The following CMBL variants were observed in gnomAD, a reference collection of about 807,000 sequenced individuals.
The protein encoded by CMBL is carboxymethylenebutenolidase homolog (Pseudomonas).
Under a neutral mutation model 28.7 loss-of-function variants are expected in CMBL, and 17 were observed. That is an observed-to-expected ratio of 0.59 (90% confidence interval 0.41 to 0.89). The LOEUF is 0.89. Ranked by LOEUF, CMBL falls within the 40% of genes least tolerant of loss-of-function variation. The pLI is 0.00. For synonymous variants in CMBL, 106 were observed against 101.6 expected, an observed-to-expected ratio of 1.04 and a Z score of -0.26; for missense variants, 310 against 298.5, an observed-to-expected ratio of 1.04 and a Z score of -0.28.
At chr5:10,286,594 T>C in intron 3 of CMBL, 98 bp from the exon 4 acceptor site, 4 of 1,134,164 alleles carry the variant, frequency 3.5e-6, no homozygotes, top group Non-Finnish European at 3.6e-6. Context: ...GCAACTGTTT[T>C]TGAAGTTGCC....
rs575760433 is a variant in CMBL, at chr5:10,289,698, A to G, written c.215+850T>C. On this transcript the variant is annotated intron_variant, in intron 2 of 5. Transcript: ENST00000296658. This position sits in a 1 kb window ranked among gnomAD's most constrained non-coding sequence, Gnocchi z 4.3. The stretch of plus-strand genomic sequence containing the variant: ...TTACTGGGCTTGCCCCTAGAAAGTT[A>G]AGTCCCCTCACATGGGGACGTGAAA... Among the ~76,000 whole-genome samples the G allele has an allele frequency of 2.0e-5, 3 of 152,302 alleles. No individual in the cohort carries two copies. Among genetic ancestry groups the G allele is most frequent in the African/African-American group, 7.2e-5 (3 of 41,568 alleles).
At chr5:10,297,733 G>A (rs1013709496) in intron 1 of CMBL, among the ~76,000 whole-genome samples, 3 of 152,060 alleles carry the variant, frequency 2.0e-5, no homozygotes, top group Non-Finnish European at 4.4e-5. Context: ...AATGACCCCG[G>A]GAGAGAGGGA....
chr5:10,301,750 C>T (rs1230240096), intron 1 of CMBL, among the ~76,000 whole-genome samples: 3 of 151,880 alleles, frequency 2.0e-5, no homozygotes, highest in South Asian at 2.1e-4. Context: ...TACAGGTGCC[C>T]GCCACTATGC....
chr5:10,304,766 A>G (rs1746967575), intron 1 of CMBL, among the ~76,000 whole-genome samples: 2 of 152,106 alleles, frequency 1.3e-5, no homozygotes, highest in East Asian at 1.9e-4. Context: ...CAGCCTAGAC[A>G]ACATGTTTTT....
chr5:10,302,899 C>A (rs921810629), intron 1 of CMBL, among the ~76,000 whole-genome samples: 2 of 152,160 alleles, frequency 1.3e-5, no homozygotes, highest in Non-Finnish European at 2.9e-5. Context: ...GTAGAGAATC[C>A]CCTTCCCTTT....
chr5:10,299,740 A>G (rs1561066404), intron 1 of CMBL, among the ~76,000 whole-genome samples: 1 of 151,814 alleles, frequency 6.6e-6, no homozygotes, highest in Non-Finnish European at 1.5e-5. Flanking sequence ...GGTCCCAGCT[A>G]CTCAGGAGGC....
In CMBL at chr5:10,286,450, G is replaced by A. The variant is rs1746605922; in HGVS notation, c.370C>T (p.Gln124Ter). The change falls in exon 4 of 6, where the codon CAG becomes TAG. Residue 124 changes from glutamine (Q) to a stop codon, truncating the protein, a stop_gained. Transcript: ENST00000296658. LOFTEE classifies it high-confidence loss of function. ...CAGAATCCCACGATGCCAATTTTCT[G>A]GGCATGACACTGTTGTTTCAGATAC... ...LKYLKQQCHA[Q>*]KIGIVGFCWG... The A allele has an allele frequency of 6.2e-7, 1 of 1,613,850 alleles. No individual in the cohort carries two copies. Among genetic ancestry groups the A allele is most frequent in the Non-Finnish European group, 8.5e-7 (1 of 1,179,882 alleles).
chr5:10,300,608 T>G (rs1441941221), intron 1 of CMBL, among the ~76,000 whole-genome samples: 1 of 151,954 alleles, frequency 6.6e-6, no homozygotes, highest in Non-Finnish European at 1.5e-5. Context: ...GAGACCAGCA[T>G]GAGCAACATA....
chr5:10,289,556 T>A lies in CMBL; in HGVS notation c.215+992A>T, dbSNP rs1364007833. ...TTCCTAATCTGCAAAATGAGAGCAA[T>A]AACAGCTCCTCCCTCAAGGGGCTGC... On this transcript the variant is annotated intron_variant, in intron 2 of 5. Transcript: ENST00000296658. The surrounding 1 kb of genome is among the most constrained non-coding windows in gnomAD (Gnocchi z 4.3). Among the ~76,000 whole-genome samples the A allele has an allele frequency of 6.6e-6, 1 of 152,154 alleles. No homozygotes were observed. The highest frequency in any genetic ancestry group is 6.5e-5 in the Admixed American group (1 of 15,282).
chr5:10,283,604 C>A (rs915188596), intron 4 of CMBL, among the ~76,000 whole-genome samples: 1 of 152,154 alleles, frequency 6.6e-6, no homozygotes, highest in Non-Finnish European at 1.5e-5. Context: ...CCACGCAAAA[C>A]CTTGTCTCTA....
At chr5:10,297,556 C>T (rs1459986208) in intron 1 of CMBL, among the ~76,000 whole-genome samples, 8 of 132,170 alleles carry the variant, frequency 6.1e-5, no homozygotes, top group African/African-American at 2.3e-4. Flanking sequence ...ACAAGAAGAT[C>T]GAAACTCTAT....
In CMBL at chr5:10,280,754, A is replaced by G. The variant is rs1746484587; in HGVS notation, c.559-122T>C. The G allele has an allele frequency of 5.9e-6, 5 of 841,544 alleles. No individual in the cohort carries two copies. In the East Asian group the frequency reaches 1.3e-4, roughly 21 times the overall value. 52.1% of individuals were successfully genotyped at this position (841,544 alleles called of 1,614,324 possible). ...GCTTTAAATCAGAAACAAGTTCCAC[A>G]GTTACACTGAATTCTTTCCCACTAA... On this transcript the variant is annotated intron_variant, in intron 5 of 5. Transcript: ENST00000296658.
chr5:10,284,387 T>G (rs1215197742), intron 4 of CMBL, among the ~76,000 whole-genome samples: 1 of 152,226 alleles, frequency 6.6e-6, no homozygotes, highest in African/African-American at 2.4e-5. Flanking sequence ...TGAGGAACCA[T>G]TAACCCAAGA....
chr5:10,277,974 A>G lies in CMBL; in HGVS notation c.*2479T>C, dbSNP rs918605979. 3.9e-5 allele frequency among the ~76,000 whole-genome samples: 6 copies of G among 152,184 alleles called. No individual in the cohort carries two copies. Among genetic ancestry groups the G allele is most frequent in the African/African-American group, 1.4e-4 (6 of 41,450 alleles). ...CCACGGCAAAAGCCCAGCACATCTC[A>G]GGGGTTTCCTGGGAGGCCGGATGAA... On this transcript the variant is annotated 3_prime_UTR_variant, in exon 6 of 6. Transcript: ENST00000296658.
chr5:10,280,729 G>C (rs1244117851), intron 5 of CMBL, 97 bp from the exon 6 acceptor site: 2 of 1,056,244 alleles, frequency 1.9e-6, no homozygotes, highest in East Asian at 2.4e-5. Context: ...TAACATCAAT[G>C]CTTTAAATCA....
Position 10,278,772 on chromosome 5 carries a change from C to A in CMBL, c.*1681G>T, listed in dbSNP as rs1012760992. Among the ~76,000 whole-genome samples the A allele has an allele frequency of 6.6e-6, 1 of 152,120 alleles. No individual in the cohort carries two copies. The highest frequency in any genetic ancestry group is 2.4e-5 in the African/African-American group (1 of 41,406). On this transcript the variant is annotated 3_prime_UTR_variant, in exon 6 of 6. Transcript: ENST00000296658. ...CGGTCAGGGCTCTCCGGGAGAGTGG[C>A]TGTCTCAGTAGGAATAAACTGGACA...
rs1007721537 is a variant in CMBL at position 10,279,477 on chromosome 5, C to T, written c.*976G>A. Reference sequence around the variant, plus strand: ...ATGGCTTTGCAGCATTTGTCACTTTCTATGATGTGTTCAAAGACCAGAAAA... The same window carrying T: ...ATGGCTTTGCAGCATTTGTCACTTTTTATGATGTGTTCAAAGACCAGAAAA... On this transcript the variant is annotated 3_prime_UTR_variant, in exon 6 of 6. Coordinates refer to ENST00000296658, the MANE Select transcript of CMBL (RefSeq NM_138809.4). The T allele has an allele frequency of 6.6e-6, 1 of 151,536 alleles. No individual in the cohort carries two copies. Among genetic ancestry groups the T allele is most frequent in the Non-Finnish European group, 1.5e-5 (1 of 67,998 alleles). 9.4% of individuals were successfully genotyped at this position (151,536 alleles called of 1,614,324 possible).
chr5:10,280,632 C>T lies in CMBL; in HGVS notation c.559G>A (p.Val187Ile), dbSNP rs1389519609. 1 of 1,595,838 alleles carries T rather than the reference C, an allele frequency of 6.3e-7. No individual in the cohort carries two copies. Among genetic ancestry groups the T allele is most frequent in the African/African-American group, 1.3e-5 (1 of 74,786 alleles). The change falls in exon 6 of 6, where the codon GTA (valine) becomes ATA (isoleucine). Residue 187 changes from valine to isoleucine, a missense_variant and splice_region_variant. By Grantham distance (29) the Val-to-Ile change is conservative. Transcript: ENST00000296658. ...TTCAACTTCTGAGTCAGCAAAGATA[C>T]CTGGTGTGCAAAAGATTTCATGATT... Reference protein sequence around the residue: ...ENDVVIPLKDVSLLTQKLKEH... With the variant: ...ENDVVIPLKDISLLTQKLKEH...
At chr5:10,299,851 G>A (rs1290585997) in intron 1 of CMBL, among the ~76,000 whole-genome samples, 3 of 152,138 alleles carry the variant, frequency 2.0e-5, no homozygotes, top group African/African-American at 7.2e-5. Flanking sequence ...AAGAGAGAGA[G>A]AGAGAGAAAT....
Sources: allele counts gnomAD v4.1 joint callset (sites outside exome capture counted in the v4.1 genomes callset), GRCh38; gene constraint gnomAD v4.1.1; non-coding constraint Gnocchi (gnomAD v3.1); transcripts MANE v1.5; gene names NCBI Gene and HGNC (gene_info 2026-07-23, HGNC 2026-07-21).